NAV3: variants seen among roughly 807,000 people sequenced by gnomAD.
The protein encoded by NAV3 is neuron navigator 3.
Under a neutral mutation model 244.7 loss-of-function variants are expected in NAV3, and 87 were observed. The ratio of observed to expected loss-of-function variants is 0.36; its 90% confidence interval spans 0.30 to 0.42. NAV3 has a LOEUF of 0.42. NAV3 is among the 20% of genes least tolerant of loss of function. The pLI is 1.00. For synonymous variants in NAV3, 1,126 were observed against 1,042.2 expected (o/e 1.08, Z -1.55); for missense variants, 2,663 against 2,893.3 (o/e 0.92, Z 1.83).
chr12:77,677,287 A>G (rs919807148), intron 2 of NAV3, among the ~76,000 whole-genome samples: 1 of 152,220 alleles, frequency 6.6e-6, no homozygotes, highest in African/African-American at 2.4e-5. Flanking sequence ...ATAATTGGCT[A>G]TTTATCCATT....
At chr12:77,690,038 C>T (rs189028426) in intron 2 of NAV3, among the ~76,000 whole-genome samples, 2 of 151,550 alleles carry the variant, frequency 1.3e-5, no homozygotes, top group Admixed American at 1.3e-4. Flanking sequence ...CTATTTTTTC[C>T]CTCTCATAGG....
chr12:78,143,693 C>T (rs1956733491), intron 20 of NAV3, among the ~76,000 whole-genome samples: 1 of 150,634 alleles, frequency 6.6e-6, no homozygotes, highest in Admixed American at 6.6e-5. Context: ...TAAGCCAACA[C>T]TGTGAAATAT....
intron 2 of NAV3, among the ~76,000 whole-genome samples, chr12:77,585,840 T>A (rs182801861): frequency 3.3e-5 from 5 of 152,180 alleles, no homozygotes; most frequent in Non-Finnish European, 7.4e-5. Flanking sequence ...TCTGTCTCTT[T>A]ACCTCTGAAA....
intron 2 of NAV3, among the ~76,000 whole-genome samples, chr12:77,728,435 A>T (rs1413812909): frequency 6.6e-6 from 1 of 152,028 alleles, no homozygotes; most frequent in Non-Finnish European, 1.5e-5. Flanking sequence ...AACTCCAGTG[A>T]ATACTGAAGA....
chr12:77,597,938 C>T (rs75953743), intron 2 of NAV3, among the ~76,000 whole-genome samples: 1,732 of 151,766 alleles, frequency 0.011, 35 homozygotes, highest in African/African-American at 0.039. Context: ...AGAAGTAAAA[C>T]GGGGAATGGA....
chr12:77,804,376 G>A (rs1333481931), intron 2 of NAV3, among the ~76,000 whole-genome samples: 1 of 152,116 alleles, frequency 6.6e-6, no homozygotes, highest in African/African-American at 2.4e-5. Flanking sequence ...TACAGTTTCA[G>A]TTTTCTGCAT....
intron 2 of NAV3, among the ~76,000 whole-genome samples, chr12:77,767,973 G>A (rs998732171): frequency 6.6e-6 from 1 of 152,226 alleles, no homozygotes; most frequent in African/African-American, 2.4e-5. Context: ...TGAGCAAGGT[G>A]AAGAAGTGCT....
At chr12:77,721,192 G>A (rs929166144) in intron 2 of NAV3, among the ~76,000 whole-genome samples, 7 of 152,004 alleles carry the variant, frequency 4.6e-5, no homozygotes, top group East Asian at 1.9e-4. Flanking sequence ...GGATATTGTC[G>A]AATATTCATC....
chr12:77,742,640 CACACAA>C (rs2137402784), intron 2 of NAV3, among the ~76,000 whole-genome samples: 1 of 152,000 alleles, frequency 6.6e-6, no homozygotes, highest in Non-Finnish European at 1.5e-5. Flanking sequence ...AAAACTTGTG[CACACAA>C]ACACAAATTG....
chr12:78,206,250 T>C (rs1195429483), intron 39 of NAV3, among the ~76,000 whole-genome samples: 1 of 152,196 alleles, frequency 6.6e-6, no homozygotes, highest in Non-Finnish European at 1.5e-5. Flanking sequence ...CCCAGACTTA[T>C]ATTTTTATAA....
intron 2 of NAV3, among the ~76,000 whole-genome samples, chr12:77,588,544 G>C (rs1277105773): frequency 6.6e-6 from 1 of 152,112 alleles, no homozygotes; most frequent in Admixed American, 6.5e-5. Context: ...ACCTGATGTT[G>C]CATTTTTCAT....
intron 2 of NAV3, among the ~76,000 whole-genome samples, chr12:77,741,224 G>A (rs1320947953): frequency 1.3e-5 from 2 of 150,744 alleles, no homozygotes; most frequent in Non-Finnish European, 3.0e-5. Context: ...AGGAAGCGGG[G>A]GGAAGGAGAA....
intron 1 of NAV3, among the ~76,000 whole-genome samples, chr12:77,839,691 A>G (rs923139051): frequency 6.6e-6 from 1 of 152,204 alleles, no homozygotes; most frequent in Non-Finnish European, 1.5e-5. Flanking sequence ...ATACTTTCAC[A>G]TAAAAGTGCA....
At chr12:77,816,668 A>G (rs1872539206) in intron 2 of NAV3, among the ~76,000 whole-genome samples, 1 of 152,118 alleles carries the variant, frequency 6.6e-6, no homozygotes, top group African/African-American at 2.4e-5. Context: ...TCACTTATGG[A>G]TTCAATGTGT....
intron 1 of NAV3, among the ~76,000 whole-genome samples, chr12:77,929,798 A>ATT (rs10602394): frequency 0.085 from 8,989 of 105,844 alleles, 412 homozygotes; most frequent in East Asian, 0.16. Context: ...ACGGCCAGCT[A>ATT]TTTTTTTTTT....
chr12:77,853,120 C>T (rs112120064), intron 1 of NAV3, among the ~76,000 whole-genome samples: 2 of 152,320 alleles, frequency 1.3e-5, no homozygotes, highest in African/African-American at 4.8e-5. Flanking sequence ...TCTTCAGTTG[C>T]TCCACATCTC....
chr12:78,049,021 G>A (rs1411916132), intron 9 of NAV3, among the ~76,000 whole-genome samples: 1 of 152,186 alleles, frequency 6.6e-6, no homozygotes, highest in African/African-American at 2.4e-5. Flanking sequence ...TACATTGTGA[G>A]GGGAAAAGCA....
intron 2 of NAV3, among the ~76,000 whole-genome samples, chr12:77,771,357 G>A (rs1200753841): frequency 5.9e-5 from 9 of 152,276 alleles, no homozygotes; most frequent in East Asian, 5.8e-4. Flanking sequence ...TCAGTGTGGC[G>A]ATTCCTCAGG....
intron 2 of NAV3, among the ~76,000 whole-genome samples, chr12:77,799,632 C>T (rs1446617500): frequency 2.0e-5 from 3 of 152,080 alleles, no homozygotes; most frequent in Non-Finnish European, 4.4e-5. Flanking sequence ...TTATTTCGTT[C>T]CTGCCATAGC....
Sources: allele counts gnomAD v4.1 joint callset (sites outside exome capture counted in the v4.1 genomes callset), GRCh38; gene constraint gnomAD v4.1.1; transcripts MANE v1.5; gene names NCBI Gene and HGNC (gene_info 2026-07-23, HGNC 2026-07-21).